Variants in MDGA2 observed in about 807,000 individuals in gnomAD.
The protein encoded by MDGA2 is MAM domain-containing glycosylphosphatidylinositol anchor protein 2.
MDGA2 carries 40 observed loss-of-function variants against 117.8 expected under a neutral mutation model. The ratio of observed to expected loss-of-function variants is 0.34; its 90% CI spans 0.26 to 0.44. The LOEUF (loss-of-function observed/expected upper bound fraction) is 0.44. MDGA2 is among the 20% of genes least tolerant of loss of function. MDGA2 has a pLI of 1.00. For missense variants in MDGA2, 1,123 were observed against 1,250.6 expected (o/e 0.90, Z 1.54); for synonymous variants, 452 against 439.0 (o/e 1.03, Z -0.37).
chr14:46,963,553 T>G (rs1241737921), intron 8 of MDGA2, among the ~76,000 whole-genome samples: 1 of 152,254 alleles, frequency 6.6e-6, no homozygotes, highest in Non-Finnish European at 1.5e-5. Context: ...ACAAGTCTTT[T>G]GTAGACTTTA....
At chr14:47,419,572 T>C (rs1892538197) in intron 1 of MDGA2, among the ~76,000 whole-genome samples, 1 of 152,162 alleles carries the variant, frequency 6.6e-6, no homozygotes, top group African/African-American at 2.4e-5. Flanking sequence ...ACTACACTAC[T>C]AATGGCCTTT....
At chr14:47,059,296 C>T (rs1400947755) in intron 7 of MDGA2, 2 of 1,263,728 alleles carry the variant, frequency 1.6e-6, no homozygotes, top group Non-Finnish European at 2.1e-6. Context: ...GGAGAAACCA[C>T]ATCTATCTGT....
At chr14:47,189,898 G>T (rs1280987981) in intron 3 of MDGA2, among the ~76,000 whole-genome samples, 1 of 152,100 alleles carries the variant, frequency 6.6e-6, no homozygotes, top group Non-Finnish European at 1.5e-5. Context: ...ACACCTTCAT[G>T]TAGCAATAAA....
chr14:47,495,766 T>C (rs1293471150), intron 1 of MDGA2, among the ~76,000 whole-genome samples: 2 of 152,184 alleles, frequency 1.3e-5, no homozygotes, highest in South Asian at 2.1e-4. Flanking sequence ...GATCATTTAA[T>C]AGAAGGAAAG....
intron 8 of MDGA2, among the ~76,000 whole-genome samples, chr14:46,991,940 T>C (rs879527185): frequency 3.3e-5 from 5 of 152,118 alleles, no homozygotes; most frequent in Non-Finnish European, 7.4e-5. Context: ...AAAAAGAGAC[T>C]TGATTATAGG....
chr14:46,917,428 A>G (rs1883944376), intron 10 of MDGA2, among the ~76,000 whole-genome samples: 1 of 152,162 alleles, frequency 6.6e-6, no homozygotes, highest in Non-Finnish European at 1.5e-5. Context: ...TCATATTCCA[A>G]TTGCCTGACA....
intron 1 of MDGA2, among the ~76,000 whole-genome samples, chr14:47,609,371 C>G (rs903842531): frequency 7.5e-6 from 1 of 134,198 alleles, no homozygotes; most frequent in African/African-American, 2.8e-5. Context: ...CACTCTTATC[C>G]AGGTCACTGT....
intron 6 of MDGA2, among the ~76,000 whole-genome samples, chr14:47,090,836 A>G (rs577608417): frequency 6.6e-6 from 1 of 152,174 alleles, no homozygotes; most frequent in Non-Finnish European, 1.5e-5. Context: ...AGAGACAGAC[A>G]GCCCTGAGGA....
intron 9 of MDGA2, among the ~76,000 whole-genome samples, chr14:46,932,122 G>C (rs1245179826): frequency 6.6e-6 from 1 of 151,854 alleles, no homozygotes; most frequent in Non-Finnish European, 1.5e-5. Flanking sequence ...ATGATATACA[G>C]TTCATTTCCT....
intron 8 of MDGA2, among the ~76,000 whole-genome samples, chr14:47,019,838 C>CA (rs565526563): frequency 0.1 from 6,400 of 62,784 alleles, 180 homozygotes; most frequent in Middle Eastern, 0.12. Flanking sequence ...GAGTCCGTCT[C>CA]AAAAAAAAAA....
At chr14:47,080,891 T>A (rs995828729) in intron 6 of MDGA2, among the ~76,000 whole-genome samples, 1 of 152,216 alleles carries the variant, frequency 6.6e-6, no homozygotes, top group Non-Finnish European at 1.5e-5. Flanking sequence ...GTCTCTGTTA[T>A]ATTAAAAACC....
intron 1 of MDGA2, among the ~76,000 whole-genome samples, chr14:47,577,176 G>C (rs1896131803): frequency 6.6e-6 from 1 of 152,146 alleles, no homozygotes; most frequent in Admixed American, 6.6e-5. Flanking sequence ...GCTTGACAAT[G>C]GGGAAAGGAT....
intron 8 of MDGA2, among the ~76,000 whole-genome samples, chr14:46,965,979 A>G (rs1242237263): frequency 1.3e-5 from 2 of 148,166 alleles, no homozygotes; most frequent in African/African-American, 5.2e-5. Context: ...ATTAAAATAT[A>G]TGACTCTTAT....
intron 15 of MDGA2, among the ~76,000 whole-genome samples, chr14:46,849,254 A>G (rs529011110): frequency 1.3e-5 from 2 of 152,084 alleles, no homozygotes; most frequent in South Asian, 4.1e-4. Context: ...CTTTTTGAAC[A>G]GAAAGGAAAA....
intron 8 of MDGA2, among the ~76,000 whole-genome samples, chr14:47,010,731 T>A (rs1158055758): frequency 6.6e-6 from 1 of 152,058 alleles, no homozygotes; most frequent in Non-Finnish European, 1.5e-5. Flanking sequence ...CCCACCTATG[T>A]AATTAACACA....
chr14:47,336,392 A>C (rs753303435), intron 1 of MDGA2, among the ~76,000 whole-genome samples: 1 of 151,926 alleles, frequency 6.6e-6, no homozygotes, highest in Non-Finnish European at 1.5e-5. Flanking sequence ...AAAGAAAGAA[A>C]TGGAGACTGG....
At chr14:47,332,023 T>G (rs1438568059) in intron 1 of MDGA2, among the ~76,000 whole-genome samples, 1 of 152,050 alleles carries the variant, frequency 6.6e-6, no homozygotes, top group Non-Finnish European at 1.5e-5. Context: ...TATTCGCATG[T>G]CTAGTCATAA....
At chr14:47,588,896 G>A (rs1896383304) in intron 1 of MDGA2, among the ~76,000 whole-genome samples, 1 of 151,962 alleles carries the variant, frequency 6.6e-6, no homozygotes, top group Non-Finnish European at 1.5e-5. Flanking sequence ...CTCTAGGAAA[G>A]TATCTGTTTC....
At chr14:46,864,884 A>C (rs1441093158) in intron 14 of MDGA2, among the ~76,000 whole-genome samples, 2 of 152,004 alleles carry the variant, frequency 1.3e-5, no homozygotes, top group Admixed American at 1.3e-4. Flanking sequence ...TAATTCTGAG[A>C]ATTTATCAGA....
Sources: gnomAD v4.1 joint callset for allele counts (sites outside exome capture counted in the v4.1 genomes callset) on GRCh38, gnomAD v4.1.1 for gene constraint, MANE v1.5 for transcripts, NCBI Gene and HGNC (gene_info 2026-07-23, HGNC 2026-07-21) for gene names.